Variants in SECISBP2 observed in about 807,000 individuals in gnomAD.
SECISBP2 encodes the protein SECIS binding protein 2, also known as selenocysteine insertion sequence-binding protein 2.
Under a neutral mutation model 98.2 loss-of-function variants are expected in SECISBP2, and 96 were observed. That is an observed-to-expected ratio of 0.98 (90% CI 0.83 to 1.16). SECISBP2 has a LOEUF of 1.16. Among genes scored for constraint, SECISBP2 ranks in the 50% most tolerant of loss-of-function variants. The pLI is 0.00. For synonymous variants in SECISBP2, 407 were observed against 370.2 expected, an observed-to-expected ratio of 1.10 and a Z score of -1.14; for missense variants, 1,046 against 1,022.9, an observed-to-expected ratio of 1.02 and a Z score of -0.31.
chr9:89,318,643 C>T (rs1193169396), intron 1 of SECISBP2, 31 bp downstream of exon 1: 6 of 1,396,482 alleles, frequency 4.3e-6, no homozygotes, highest in Non-Finnish European at 5.5e-6. Context: ...TCTCGGCAGC[C>T]TCAGTCCGTC....
chr9:89,363,520 G>T (rs941372713), downstream of SECISBP2: 17 of 1,613,886 alleles, frequency 1.1e-5, no homozygotes, highest in South Asian at 1.9e-4. Flanking sequence ...TCTCCTGGTG[G>T]GTCACTTCTG....
intron 10 of SECISBP2, among the ~76,000 whole-genome samples, chr9:89,343,789 C>T (rs925024811): frequency 2.0e-5 from 3 of 152,166 alleles, no homozygotes; most frequent in Non-Finnish European, 4.4e-5. Context: ...GTGAATAGTA[C>T]TGCGGTGAAC....
rs545600231 is a variant in SECISBP2, at chr9:89,320,676, G to A, written c.182+879G>A. Among the ~76,000 whole-genome samples, 4 of 152,288 alleles carry A rather than the reference G, an allele frequency of 2.6e-5. No homozygotes were observed. In the East Asian group the frequency reaches 7.7e-4, roughly 29 times the overall value. On this transcript the variant is annotated intron_variant, in intron 2 of 16. Transcript: ENST00000375807. ...GCTTAAGTTCTTCTAAATTTGAGTT[G>A]AAAGAAGGCTTACATTTTTCCTTAC... is the stretch of plus-strand genomic sequence containing the variant.
At position 89,347,057 on chromosome 9, in the gene SECISBP2, G is replaced by A. The variant is rs1830522409; in HGVS notation, c.1602+9G>A. ...CAACCTCACTGAAGAAGGTATGTGG[G>A]GTGTTTCAGCCGAAGTGAGGCACTA... On this transcript the variant is annotated intron_variant, in intron 11 of 16. Coordinates refer to ENST00000375807, the MANE Select transcript of SECISBP2 (RefSeq NM_024077.5). 6.2e-7 allele frequency: 1 copy of A among 1,613,538 alleles called. No homozygotes were observed.
intron 5 of SECISBP2, 118 bp downstream of exon 5, chr9:89,329,004 G>A (rs2131635824): frequency 2.4e-6 from 2 of 835,784 alleles, no homozygotes; most frequent in Non-Finnish European, 3.9e-6. Context: ...TGGGGAGGAT[G>A]TATTGGGGGA....
downstream of SECISBP2, chr9:89,363,952 T>C: frequency 6.2e-7 from 1 of 1,614,052 alleles, no homozygotes; most frequent in Non-Finnish European, 8.5e-7. Context: ...CTGCAGGACC[T>C]GGGGACACAG....
chr9:89,344,678 T>C (rs1830177140), intron 10 of SECISBP2, among the ~76,000 whole-genome samples: 1 of 152,240 alleles, frequency 6.6e-6, no homozygotes, highest in South Asian at 2.1e-4. Flanking sequence ...CTTTGTTGTT[T>C]TTTTTAACTT....
chr9:89,354,923 C>A (rs1334937088), intron 14 of SECISBP2: 13 of 985,270 alleles, frequency 1.3e-5, no homozygotes, highest in Non-Finnish European at 1.6e-5. Context: ...CTCAGGAATA[C>A]GGAACACTCC....
intron 7 of SECISBP2, among the ~76,000 whole-genome samples, chr9:89,336,828 A>G (rs1344023194): frequency 6.4e-5 from 9 of 141,614 alleles, no homozygotes; most frequent in Non-Finnish European, 1.4e-4. Flanking sequence ...TTGGAGTGCA[A>G]TGGCGTGATC....
chr9:89,336,866 GGT>G (rs921455795), intron 7 of SECISBP2, among the ~76,000 whole-genome samples: 1 of 148,718 alleles, frequency 6.7e-6, no homozygotes, highest in African/African-American at 2.5e-5. Context: ...CCGCCTCCTG[GGT>G]TCAAGCAATT....
At chr9:89,363,449 T>C, downstream of SECISBP2, 1 of 1,613,816 alleles carries the variant, frequency 6.2e-7, no homozygotes, top group Non-Finnish European at 8.5e-7. Context: ...CCTCCAGCTC[T>C]GCATCATCCG....
chr9:89,358,918 T>C lies in SECISBP2; in HGVS notation c.*94T>C. 1 of 787,776 alleles carries C rather than the reference T, an allele frequency of 1.3e-6. No individual in the cohort carries two copies. Among genetic ancestry groups the C allele is most frequent in the East Asian group, 2.7e-5 (1 of 37,686 alleles). 48.8% of individuals were successfully genotyped at this position (787,776 alleles called of 1,614,324 possible). A position where few individuals can be genotyped will look rare whatever the true frequency, so the allele number is the denominator to read the frequency against. Reference sequence around the variant, plus strand: ...CTTCTGTTTTTCATGACAATGTAATTTGTGTAACTGTTGAATCTGGAAATT... The same window carrying C: ...CTTCTGTTTTTCATGACAATGTAATCTGTGTAACTGTTGAATCTGGAAATT... On this transcript the variant is annotated 3_prime_UTR_variant, in exon 17 of 17. Transcript: ENST00000375807.
rs140728910 is a variant in SECISBP2 at position 89,358,995 on chromosome 9, G to C, written c.*171G>C. On this transcript the variant is annotated 3_prime_UTR_variant, in exon 17 of 17. Coordinates refer to ENST00000375807, the MANE Select transcript of SECISBP2 (RefSeq NM_024077.5). Reference sequence around the variant, plus strand: ...AGTGTCTGCAGGCGTTCAGTGCTGCGGAGCCTGTTAAAGGTCACTCAGATG... The same window carrying C: ...AGTGTCTGCAGGCGTTCAGTGCTGCCGAGCCTGTTAAAGGTCACTCAGATG... The C allele has an allele frequency of 3.2e-6, 2 of 632,796 alleles. No homozygotes were observed. Among genetic ancestry groups the C allele is most frequent in the South Asian group, 3.6e-5 (2 of 55,344 alleles). The allele number at this position is 632,796 out of a possible 1,614,324, so 39.2% of individuals were successfully genotyped here. A position where few individuals can be genotyped will look rare whatever the true frequency, so the allele number is the denominator to read the frequency against.
At chr9:89,328,495 T>C (rs1057388849) in intron 4 of SECISBP2, among the ~76,000 whole-genome samples, 165 bp from the exon 5 acceptor site, 16 of 152,238 alleles carry the variant, frequency 1.1e-4, no homozygotes, top group Non-Finnish European at 2.1e-4. Context: ...TTAAACTTTA[T>C]ACTTTTACAA....
At chr9:89,327,534 C>T (rs566910382) in intron 4 of SECISBP2, among the ~76,000 whole-genome samples, 2 of 152,250 alleles carry the variant, frequency 1.3e-5, no homozygotes, top group African/African-American at 2.4e-5. Context: ...TACATCCTTA[C>T]TCTATAAGCT....
chr9:89,323,544 G>A (rs533372727), intron 2 of SECISBP2: 1 of 152,794 alleles, frequency 6.5e-6, no homozygotes, highest in East Asian at 1.9e-4. Context: ...AGACCTGGAA[G>A]CCGTTGGTGG....
chr9:89,324,537 C>T (rs1826355625), intron 2 of SECISBP2: 1 of 152,220 alleles, frequency 6.6e-6, no homozygotes, highest in African/African-American at 2.4e-5. Flanking sequence ...ACTTGCAGCG[C>T]ATTAGAAATA....
rs746278858 is a variant in SECISBP2, at chr9:89,358,696, C to T, written c.2462-25C>T. On this transcript the variant is annotated intron_variant, in intron 16 of 16. Coordinates refer to ENST00000375807, the MANE Select transcript of SECISBP2 (RefSeq NM_024077.5). ...TTCCTACTTGTTGATGCCTATTCCT[C>T]ACTCGTGCTGTTTTCTCATTTTAGT... The T allele has an allele frequency of 4.7e-6, 7 of 1,487,498 alleles. No homozygotes were observed. In the East Asian group the frequency reaches 1.6e-4, roughly 34 times the overall value. The allele number at this position is 1,487,498 out of a possible 1,614,324, so 92.1% of individuals were successfully genotyped here. A position where few individuals can be genotyped will look rare whatever the true frequency, so the allele number is the denominator to read the frequency against.
rs150980907 is a variant in SECISBP2, at chr9:89,350,019, C to G, written c.1892+90C>G. The G allele has an allele frequency of 3.1e-4, 451 of 1,460,852 alleles. No homozygotes were observed. The Admixed American group carries it at 5.1e-3, about 17-fold the overall frequency. 90.5% of individuals were successfully genotyped at this position (1,460,852 alleles called of 1,614,324 possible). On this transcript the variant is annotated intron_variant, in intron 13 of 16. Coordinates refer to ENST00000375807, the MANE Select transcript of SECISBP2 (RefSeq NM_024077.5). Reference sequence around the variant, plus strand: ...TGATATCTCCCATAAATCCTTGTTGCTGGGCCACACTGTGCTTTAAAAACC... The same window carrying G: ...TGATATCTCCCATAAATCCTTGTTGGTGGGCCACACTGTGCTTTAAAAACC...
Sources: allele counts gnomAD v4.1 joint callset (sites outside exome capture counted in the v4.1 genomes callset), GRCh38; gene constraint gnomAD v4.1.1; transcripts MANE v1.5; gene names NCBI Gene and HGNC (gene_info 2026-07-23, HGNC 2026-07-21).